The following RAI1 variants were observed in gnomAD, a reference collection of about 807,000 sequenced individuals.
The protein encoded by RAI1 is retinoic acid-induced protein 1.
Under a neutral mutation model 123.8 loss-of-function variants are expected in RAI1, and 9 were observed. That is an observed-to-expected ratio of 0.07 (90% CI 0.04 to 0.13). RAI1 has a LOEUF of 0.13. RAI1 is among the 10% of genes least tolerant of loss of function. The probability of loss-of-function intolerance (pLI) is 1.00; values close to 1 mark genes in which losing one functional copy is unlikely to be tolerated. For synonymous variants in RAI1, 1,231 were observed against 1,127.3 expected, an observed-to-expected ratio of 1.09 and a Z score of -1.84; for missense variants, 2,256 against 2,545.8, an observed-to-expected ratio of 0.89 and a Z score of 2.45.
At chr17:17,783,310 G>A (rs1018321629) in intron 2 of RAI1, among the ~76,000 whole-genome samples, 1 of 152,108 alleles carries the variant, frequency 6.6e-6, no homozygotes, top group Non-Finnish European at 1.5e-5. Flanking sequence ...AGAGCCCGAG[G>A]TTGCCGTGAC....
At chr17:17,807,396 C>T (rs1339817951) in intron 4 of RAI1, among the ~76,000 whole-genome samples, 1 of 152,184 alleles carries the variant, frequency 6.6e-6, no homozygotes, top group African/African-American at 2.4e-5. Flanking sequence ...CTGCCAGCCT[C>T]TGCCCTGCAC....
chr17:17,762,840 C>T (rs907547391), intron 2 of RAI1, among the ~76,000 whole-genome samples: 3 of 152,004 alleles, frequency 2.0e-5, no homozygotes, highest in African/African-American at 7.2e-5. Context: ...CTCCTGCCCA[C>T]ACTGCCCACT....
intron 2 of RAI1, among the ~76,000 whole-genome samples, chr17:17,766,555 G>T (rs764741286): frequency 1.3e-5 from 2 of 152,162 alleles, no homozygotes; most frequent in Non-Finnish European, 2.9e-5. Context: ...AACTCTGGGC[G>T]TCAGCACTGG....
chr17:17,689,959 C>G (rs1002244514), intron 1 of RAI1, among the ~76,000 whole-genome samples: 1 of 152,144 alleles, frequency 6.6e-6, no homozygotes, highest in African/African-American at 2.4e-5. Context: ...TTGAATCAGA[C>G]CCTTCTATAG....
chr17:17,784,489 G>T (rs927975837), intron 2 of RAI1, among the ~76,000 whole-genome samples: 22 of 152,242 alleles, frequency 1.4e-4, no homozygotes, highest in African/African-American at 5.3e-4. Flanking sequence ...ACAAGCCACT[G>T]GCCCACTCTG....
intron 2 of RAI1, among the ~76,000 whole-genome samples, chr17:17,783,568 C>G (rs1476016151): frequency 6.6e-6 from 1 of 152,222 alleles, no homozygotes; most frequent in Non-Finnish European, 1.5e-5. Flanking sequence ...AACCCCCACA[C>G]ACCCTGCGCT....
intron 4 of RAI1, among the ~76,000 whole-genome samples, chr17:17,805,151 G>A (rs1027750774): frequency 6.6e-6 from 1 of 152,180 alleles, no homozygotes; most frequent in Non-Finnish European, 1.5e-5. Flanking sequence ...GTGAGCCACT[G>A]TGCCCGGCCC....
chr17:17,781,774 GTGTT>G (rs912027871), intron 2 of RAI1, among the ~76,000 whole-genome samples: 7 of 152,368 alleles, frequency 4.6e-5, no homozygotes, highest in Middle Eastern at 3.4e-3. Context: ...TTTAAATGGT[GTGTT>G]TGTTTAGAGC....
chr17:17,770,966 TCA>T (rs2031135603), intron 2 of RAI1: 1 of 152,198 alleles, frequency 6.6e-6, no homozygotes, highest in Non-Finnish European at 1.5e-5. Flanking sequence ...CCTGGGATAC[TCA>T]CAGGCCGGGA....
chr17:17,747,408 G>A (rs185735268), intron 2 of RAI1, among the ~76,000 whole-genome samples: 3 of 152,282 alleles, frequency 2.0e-5, no homozygotes, highest in East Asian at 1.9e-4. Context: ...CCCTGTTGCT[G>A]GAGGCTGCAA....
rs116320788 is a variant in RAI1, at chr17:17,708,598, A to G, written c.-148-15430A>G. 5.1e-3 allele frequency among the ~76,000 whole-genome samples: 769 copies of G among 152,178 alleles called. 4 individuals carry two copies. The highest frequency in any genetic ancestry group is 0.018 in the African/African-American group (728 of 41,514). ...TAGGGACTCCATTCTAGAATCATGG[A>G]ATCTTAGGGGTCCCCTGGGTTGCAT... On this transcript the variant is annotated intron_variant, in intron 1 of 5. Transcript: ENST00000353383.
At chr17:17,763,523 G>T (rs376976926) in intron 2 of RAI1, among the ~76,000 whole-genome samples, 1 of 152,244 alleles carries the variant, frequency 6.6e-6, no homozygotes, top group South Asian at 2.1e-4. Context: ...CCAAAAGACG[G>T]GGCCAGCCCA....
Position 17,796,442 on chromosome 17 carries a change from A to C in RAI1, c.3494A>C (p.Glu1165Ala), listed in dbSNP as rs758492338. 1 of 1,613,170 alleles carries C rather than the reference A, an allele frequency of 6.2e-7. No homozygotes were observed. Among genetic ancestry groups the C allele is most frequent in the Non-Finnish European group, 8.5e-7 (1 of 1,180,000 alleles). ...IFHSKRRRPS[E>A]GRLPNCRATK... ...CACTCCAAGCGGCGGAGGCCCTCTG[A>C]GGGCCGGCTCCCCAACTGCCGTGCC... is the stretch of plus-strand genomic sequence containing the variant. The change falls in exon 3 of 6, where the codon GAG (glutamate) becomes GCG (alanine). Residue 1165 changes from glutamate to alanine, a missense_variant. Coordinates refer to ENST00000353383, the MANE Select transcript of RAI1 (RefSeq NM_030665.4). This position sits in a 1 kb window ranked among gnomAD's most constrained non-coding sequence, Gnocchi z 5.8.
intron 2 of RAI1, among the ~76,000 whole-genome samples, chr17:17,762,313 C>A (rs2030737349): frequency 6.6e-6 from 1 of 152,052 alleles, no homozygotes; most frequent in African/African-American, 2.4e-5. Context: ...GCGGAGGGAA[C>A]AGCATGTGCA....
chr17:17,699,210 C>T (rs747541073), intron 1 of RAI1, among the ~76,000 whole-genome samples: 7 of 152,208 alleles, frequency 4.6e-5, no homozygotes, highest in Non-Finnish European at 1.0e-4. Flanking sequence ...TATATGTCTC[C>T]TCTTCAGTGC....
At chr17:17,761,743 G>A (rs1341595609) in intron 2 of RAI1, among the ~76,000 whole-genome samples, 2 of 152,234 alleles carry the variant, frequency 1.3e-5, no homozygotes, top group Admixed American at 6.5e-5. Context: ...AGCTGGGGAG[G>A]TGGGTGGGAA....
intron 2 of RAI1, chr17:17,779,170 G>A (rs1006656): frequency 0.88 from 297,222 of 337,416 alleles, 131,477 homozygotes; most frequent in East Asian, 1. Flanking sequence ...AATATTTTCC[G>A]TGGTGAGGAA....
At chr17:17,699,651 A>C (rs1218183476) in intron 1 of RAI1, among the ~76,000 whole-genome samples, 1 of 151,704 alleles carries the variant, frequency 6.6e-6, no homozygotes, top group Non-Finnish European at 1.5e-5. Context: ...AATCAAATGA[A>C]TTGCCAGTGA....
At chr17:17,782,309 C>T (rs996887380) in intron 2 of RAI1, 2 of 152,136 alleles carry the variant, frequency 1.3e-5, no homozygotes, top group African/African-American at 4.8e-5. Flanking sequence ...AAAAATAACC[C>T]TCTCCGGCTG....
Sources: allele counts gnomAD v4.1 joint callset (sites outside exome capture counted in the v4.1 genomes callset), GRCh38; gene constraint gnomAD v4.1.1; non-coding constraint Gnocchi (gnomAD v3.1); transcripts MANE v1.5; gene names NCBI Gene and HGNC (gene_info 2026-07-23, HGNC 2026-07-21).